The following GBE1 variants were observed in gnomAD, a reference collection of about 807,000 sequenced individuals.
The protein encoded by GBE1 is 1,4-alpha-glucan-branching enzyme.
GBE1 carries 70 observed loss-of-function variants against 88.8 expected under a neutral mutation model. The observed-to-expected ratio is 0.79, with a 90% CI of 0.65 to 0.96. GBE1 has a LOEUF of 0.96. Among genes scored for constraint, GBE1 ranks in the 40% least tolerant of loss-of-function variants. The probability of loss-of-function intolerance (pLI) is 0.00; values close to 1 mark genes in which losing one functional copy is unlikely to be tolerated. For missense variants in GBE1, 872 were observed against 871.0 expected (o/e 1.00, Z -0.01); for synonymous variants, 284 against 300.1 (o/e 0.95, Z 0.56).
At chr3:81,632,610 G>C (rs144937939) in intron 7 of GBE1, among the ~76,000 whole-genome samples, 7,954 of 152,084 alleles carry the variant, frequency 0.052, 506 homozygotes, top group East Asian at 0.35. Context: ...TGTTGGTGGG[G>C]GTGTAAATTA....
intron 12 of GBE1, among the ~76,000 whole-genome samples, chr3:81,548,321 T>C (rs576086432): frequency 6.6e-6 from 1 of 151,662 alleles, no homozygotes; most frequent in East Asian, 1.9e-4. Context: ...CAATGAGTTT[T>C]ATTAAGAATT....
chr3:81,725,401 C>T (rs1201315190), intron 1 of GBE1, among the ~76,000 whole-genome samples: 1 of 152,096 alleles, frequency 6.6e-6, no homozygotes, highest in Non-Finnish European at 1.5e-5. Flanking sequence ...CATATCTTGT[C>T]CCACTGGAAG....
At chr3:81,684,509 T>C (rs1251711549) in intron 2 of GBE1, among the ~76,000 whole-genome samples, 1 of 152,156 alleles carries the variant, frequency 6.6e-6, no homozygotes, top group South Asian at 2.1e-4. Flanking sequence ...AGGAATCCTC[T>C]CTCTGGGGTC....
At chr3:81,599,074 T>C (rs1461537693) in intron 7 of GBE1, among the ~76,000 whole-genome samples, 2 of 152,192 alleles carry the variant, frequency 1.3e-5, no homozygotes, top group African/African-American at 4.8e-5. Flanking sequence ...TTGTATTATA[T>C]GTAATTCCAA....
chr3:81,600,753 G>A (rs1205165420), intron 7 of GBE1, among the ~76,000 whole-genome samples: 3 of 152,188 alleles, frequency 2.0e-5, no homozygotes, highest in African/African-American at 4.8e-5. Flanking sequence ...TACTACAGAA[G>A]TTATTTTAAA....
chr3:81,707,270 C>G (rs1705790905), intron 1 of GBE1, among the ~76,000 whole-genome samples: 1 of 151,848 alleles, frequency 6.6e-6, no homozygotes, highest in South Asian at 2.1e-4. Context: ...AAGATAAAGC[C>G]AACTCCACAC....
intron 5 of GBE1, among the ~76,000 whole-genome samples, chr3:81,647,735 A>C (rs1486588422): frequency 6.6e-6 from 1 of 152,152 alleles, no homozygotes; most frequent in Non-Finnish European, 1.5e-5. Flanking sequence ...GTAACTATAC[A>C]ACTATATTTG....
At chr3:81,737,503 CCA>C (rs1424916332) in intron 1 of GBE1, among the ~76,000 whole-genome samples, 1 of 147,490 alleles carries the variant, frequency 6.8e-6, no homozygotes, top group Non-Finnish European at 1.5e-5. Flanking sequence ...CAAATGTGTG[CCA>C]CAGACCACTG....
intron 2 of GBE1, among the ~76,000 whole-genome samples, chr3:81,683,950 T>C (rs1227442597): frequency 3.9e-5 from 6 of 152,194 alleles, no homozygotes. Context: ...TGAAGAGTCT[T>C]ATTATGATAG....
chr3:81,646,365 A>T lies in GBE1; in HGVS notation c.782+27T>A. On this transcript the variant is annotated intron_variant, in intron 6 of 15. Transcript: ENST00000429644. Reference sequence around the variant, plus strand: ...TTTAAATTATTGGCTCAAAATAAAAATGAACACAATGAGTCTCTGATTTTA... The same window carrying T: ...TTTAAATTATTGGCTCAAAATAAAATTGAACACAATGAGTCTCTGATTTTA... 4 of 1,374,084 alleles carry T rather than the reference A, an allele frequency of 2.9e-6. No individual in the cohort carries two copies. In the African/African-American group the frequency reaches 4.4e-5, roughly 15 times the overall value. 85.1% of individuals were successfully genotyped at this position (1,374,084 alleles called of 1,614,324 possible).
intron 3 of GBE1, among the ~76,000 whole-genome samples, chr3:81,658,808 ATTAT>A (rs1704979768): frequency 1.3e-5 from 2 of 152,174 alleles, no homozygotes; most frequent in African/African-American, 4.8e-5. Flanking sequence ...GTCCAAAGGG[ATTAT>A]TTGAGATTTA....
In GBE1 at chr3:81,712,936, C is replaced by T. The variant is rs539832548; in HGVS notation, c.144-7323G>A. Among the ~76,000 whole-genome samples the T allele has an allele frequency of 6.6e-5, 10 of 152,074 alleles. No individual in the cohort carries two copies. In the East Asian group the frequency reaches 1.7e-3, roughly 26 times the overall value. ...AAAATTATTCATATATTAAGGCTGC[C>T]AAATGAAGGTTAACCACTCGAGACT... On this transcript the variant is annotated intron_variant, in intron 1 of 15. Transcript: ENST00000429644.
chr3:81,538,400 G>C, intron 12 of GBE1, among the ~76,000 whole-genome samples: 1 of 151,970 alleles, frequency 6.6e-6, no homozygotes, highest in Middle Eastern at 3.4e-3. Flanking sequence ...TAGGTGTATA[G>C]CAGTTTCTTA....
At chr3:81,623,073 G>C (rs1704354748) in intron 7 of GBE1, among the ~76,000 whole-genome samples, 1 of 152,034 alleles carries the variant, frequency 6.6e-6, no homozygotes. Context: ...CCTTTTAAAA[G>C]CTGTTAAAAC....
chr3:81,624,604 T>C (rs949521364), intron 7 of GBE1, among the ~76,000 whole-genome samples: 2 of 152,174 alleles, frequency 1.3e-5, no homozygotes, highest in Non-Finnish European at 1.5e-5. Flanking sequence ...TTAAATAATA[T>C]ATGATCAACC....
intron 12 of GBE1, among the ~76,000 whole-genome samples, chr3:81,562,616 C>G (rs1703435182): frequency 6.6e-6 from 1 of 151,992 alleles, no homozygotes; most frequent in Admixed American, 6.6e-5. Flanking sequence ...ACTCAGTGCA[C>G]TGCCTTGCTC....
chr3:81,615,498 A>G (rs904495131), intron 7 of GBE1, among the ~76,000 whole-genome samples: 7 of 152,182 alleles, frequency 4.6e-5, no homozygotes, highest in Non-Finnish European at 1.0e-4. Context: ...CTTTGTCACT[A>G]CAAGAATGAT....
intron 1 of GBE1, among the ~76,000 whole-genome samples, chr3:81,710,296 G>A (rs1705844002): frequency 7.9e-6 from 1 of 126,712 alleles, no homozygotes; most frequent in African/African-American, 3.1e-5. Flanking sequence ...GTGCAGTGCC[G>A]CGATCTCGGC....
chr3:81,643,742 G>A (rs1704725420), intron 6 of GBE1, among the ~76,000 whole-genome samples: 1 of 152,060 alleles, frequency 6.6e-6, no homozygotes, highest in African/African-American at 2.4e-5. Context: ...GTTACTATCA[G>A]GCTCCTCATG....
Sources: allele counts gnomAD v4.1 joint callset (sites outside exome capture counted in the v4.1 genomes callset), GRCh38; gene constraint gnomAD v4.1.1; transcripts MANE v1.5; gene names NCBI Gene and HGNC (gene_info 2026-07-23, HGNC 2026-07-21).